The following PLCE1 variants were observed in gnomAD, a reference collection of about 807,000 sequenced individuals.
PLCE1 encodes 1-phosphatidylinositol 4,5-bisphosphate phosphodiesterase epsilon-1.
PLCE1 carries 119 observed loss-of-function variants against 242.8 expected under a neutral mutation model. That is an observed-to-expected ratio of 0.49 (90% CI 0.42 to 0.57). The LOEUF (loss-of-function observed/expected upper bound fraction) is 0.57. Among genes scored for constraint, PLCE1 ranks in the 20% least tolerant of loss-of-function variants. The pLI, the probability that PLCE1 is intolerant of heterozygous loss-of-function variation, is 0.00. For missense variants in PLCE1, 2,441 were observed against 2,788.8 expected (o/e 0.88, Z 2.81); for synonymous variants, 945 against 1,017.4 (o/e 0.93, Z 1.35).
intron 4 of PLCE1, among the ~76,000 whole-genome samples, chr10:94,184,859 T>A (rs576101442): frequency 6.6e-6 from 1 of 151,782 alleles, no homozygotes; most frequent in Admixed American, 6.6e-5. Flanking sequence ...TTTTTTTTTC[T>A]ATCTCCTTAG....
chr10:94,138,050 C>G (rs2046840534), intron 3 of PLCE1: 1 of 371,926 alleles, frequency 2.7e-6, no homozygotes, highest in Non-Finnish European at 5.3e-6. Flanking sequence ...ATTTCATGGC[C>G]TCTTTGAGTT....
At position 94,299,846 on chromosome 10, in the gene PLCE1, C is replaced by T. The variant is rs181394195; in HGVS notation, c.5458+1177C>T. Among the ~76,000 whole-genome samples the T allele has an allele frequency of 2.2e-4, 33 of 152,268 alleles. No individual in the cohort carries two copies. The East Asian group carries it at 4.6e-3, about 21-fold the overall frequency. ...CAGTTAAAATTAAATAAGATGATGCCGGTGAAGTACCATATTTAGCATAGT... is the reference window on the plus strand; with the variant it reads ...CAGTTAAAATTAAATAAGATGATGCTGGTGAAGTACCATATTTAGCATAGT... On this transcript the variant is annotated intron_variant, in intron 24 of 32. Transcript: ENST00000371380.
chr10:94,255,020 G>A lies in PLCE1; in HGVS notation c.3525G>A (p.Val1175=), dbSNP rs373602172. 6.2e-7 allele frequency: 1 copy of A among 1,614,096 alleles called. No homozygotes were observed. Among genetic ancestry groups the A allele is most frequent in the Non-Finnish European group, 8.5e-7 (1 of 1,180,004 alleles). ...CCATCAGGCCAGTGTCCTCCCCTGT[G>A]CTGTCTTCTTCAAACAAGAGCCCAT... is the stretch of plus-strand genomic sequence containing the variant. ...SSPIRPVSSP[V]LSSSNKSPSS... Residue 1175 remains valine (V), a synonymous_variant, in exon 11 of 33, where the codon GTG becomes GTA. Transcript: ENST00000371380.
chr10:94,212,946 G>A (rs572594650), intron 4 of PLCE1, among the ~76,000 whole-genome samples: 5 of 152,292 alleles, frequency 3.3e-5, no homozygotes, highest in East Asian at 3.9e-4. Context: ...GAGGGTTGCC[G>A]CATATGAATA....
At chr10:94,250,575 G>T (rs2050841653) in intron 8 of PLCE1, among the ~76,000 whole-genome samples, 1 of 151,966 alleles carries the variant, frequency 6.6e-6, no homozygotes, top group Non-Finnish European at 1.5e-5. Flanking sequence ...TAAAACAAAA[G>T]AAAGATTAAA....
intron 4 of PLCE1, among the ~76,000 whole-genome samples, chr10:94,205,536 TA>T (rs1564787587): frequency 6.6e-6 from 1 of 152,288 alleles, no homozygotes; most frequent in East Asian, 1.9e-4. Flanking sequence ...AATGACTAAA[TA>T]AATAGAACAT....
At chr10:94,106,252 G>C (rs1413814053) in intron 2 of PLCE1, 3 of 152,190 alleles carry the variant, frequency 2.0e-5, no homozygotes, top group African/African-American at 4.8e-5. Context: ...ATGTTAACTA[G>C]TATATTTACA....
At chr10:94,284,470 GT>G (rs2052364489) in intron 21 of PLCE1, among the ~76,000 whole-genome samples, 1 of 152,294 alleles carries the variant, frequency 6.6e-6, no homozygotes, top group East Asian at 1.9e-4. Context: ...GTGCCTCACA[GT>G]TTATAGACTC....
Position 94,298,290 on chromosome 10 carries a change from C to A in PLCE1, c.5168-89C>A. ...TTCTGATGTGGTTTATATGCTATGACTGTTTACTGGGATGTTGTTCAGGTT... is the reference window on the plus strand; with the variant it reads ...TTCTGATGTGGTTTATATGCTATGAATGTTTACTGGGATGTTGTTCAGGTT... On this transcript the variant is annotated intron_variant, in intron 23 of 32. Transcript: ENST00000371380. The surrounding 1 kb of genome is among the most constrained non-coding windows in gnomAD (Gnocchi z 5.2). The A allele has an allele frequency of 2.5e-6, 3 of 1,184,012 alleles. No homozygotes were observed. The highest frequency in any genetic ancestry group is 2.5e-6 in the Non-Finnish European group (2 of 796,000). The allele number at this position is 1,184,012 out of a possible 1,614,324, so 73.3% of individuals were successfully genotyped here.
chr10:94,289,105 G>A (rs140638350), intron 22 of PLCE1, among the ~76,000 whole-genome samples: 13 of 152,256 alleles, frequency 8.5e-5, no homozygotes, highest in Non-Finnish European at 1.3e-4. Context: ...CAGAACTCTC[G>A]GGAGAATGTC....
intron 7 of PLCE1, among the ~76,000 whole-genome samples, chr10:94,242,457 C>T (rs184161196): frequency 6.6e-6 from 1 of 152,198 alleles, no homozygotes; most frequent in East Asian, 1.9e-4. Flanking sequence ...ACTACAGGTG[C>T]CTGCCACCAC....
chr10:94,230,528 T>G (rs2050107934), intron 5 of PLCE1, among the ~76,000 whole-genome samples: 1 of 152,100 alleles, frequency 6.6e-6, no homozygotes, highest in South Asian at 2.1e-4. Context: ...TTTCAACATG[T>G]TGGCCAGGCT....
chr10:94,238,981 T>C (rs1011037762), intron 7 of PLCE1, among the ~76,000 whole-genome samples: 1 of 152,188 alleles, frequency 6.6e-6, no homozygotes, highest in African/African-American at 2.4e-5. Context: ...CCTCTTACTA[T>C]TTCTGTCACC....
intron 3 of PLCE1, among the ~76,000 whole-genome samples, chr10:94,136,896 C>T (rs746211828): frequency 1.3e-5 from 2 of 152,274 alleles, no homozygotes; most frequent in Non-Finnish European, 1.5e-5. Context: ...TAGTTTGATA[C>T]ATTAAGATCC....
At chr10:94,154,963 GA>G (rs35196656) in intron 3 of PLCE1, among the ~76,000 whole-genome samples, 102,747 of 149,630 alleles carry the variant, frequency 0.69, 37,448 homozygotes, top group Non-Finnish European at 0.8. Flanking sequence ...ATAATTGGGG[GA>G]AAAAAAAGTA....
chr10:94,019,308 G>A (rs796545095), intron 1 of PLCE1, among the ~76,000 whole-genome samples: 4 of 152,276 alleles, frequency 2.6e-5, no homozygotes, highest in African/African-American at 9.6e-5. Context: ...GGAGCAAGTG[G>A]GATTGAAATG....
intron 4 of PLCE1, among the ~76,000 whole-genome samples, chr10:94,189,539 A>G (rs911747036): frequency 6.6e-6 from 1 of 152,130 alleles, no homozygotes; most frequent in Non-Finnish European, 1.5e-5. Flanking sequence ...AGCTTGCTCA[A>G]ACATATTCTG....
At chr10:94,183,492 C>G (rs964040799) in intron 4 of PLCE1, among the ~76,000 whole-genome samples, 8 of 152,324 alleles carry the variant, frequency 5.3e-5, no homozygotes, top group African/African-American at 1.2e-4. Context: ...ACCTTCCCCC[C>G]TCACCCAGTG....
At chr10:94,016,360 C>T (rs2061282264) in intron 1 of PLCE1, among the ~76,000 whole-genome samples, 4 of 152,024 alleles carry the variant, frequency 2.6e-5, no homozygotes, top group African/African-American at 9.7e-5. Flanking sequence ...ACATAATGAG[C>T]TATCTTGGGG....
Sources: gnomAD v4.1 joint callset for allele counts (sites outside exome capture counted in the v4.1 genomes callset) on GRCh38, gnomAD v4.1.1 for gene constraint, Gnocchi (gnomAD v3.1) non-coding constraint, MANE v1.5 for transcripts, NCBI Gene and HGNC (gene_info 2026-07-23, HGNC 2026-07-21) for gene names.